SCAPER: variants seen among roughly 807,000 people sequenced by gnomAD.
SCAPER encodes S-phase cyclin A associated protein in the ER.
A neutral mutation model predicts 182.2 loss-of-function variants in SCAPER; 98 were observed. That is an observed-to-expected ratio of 0.54 (90% confidence interval 0.46 to 0.64). The LOEUF (loss-of-function observed/expected upper bound fraction) is 0.64, where lower values mean the gene tolerates loss of function less well. Ranked by LOEUF, SCAPER falls within the 30% of genes least tolerant of loss-of-function variation. The probability of loss-of-function intolerance (pLI) is 0.00; values close to 1 mark genes in which losing one functional copy is unlikely to be tolerated. For synonymous variants in SCAPER, 605 were observed against 564.6 expected, an observed-to-expected ratio of 1.07 and a Z score of -1.01; for missense variants, 1,432 against 1,690.0, an observed-to-expected ratio of 0.85 and a Z score of 2.68.
At chr15:76,662,852 A>G (rs1220239003) in intron 21 of SCAPER, among the ~76,000 whole-genome samples, 3 of 152,150 alleles carry the variant, frequency 2.0e-5, no homozygotes, top group Non-Finnish European at 4.4e-5. Flanking sequence ...TAAAATTACA[A>G]ATGTTCTAGA....
intron 17 of SCAPER, among the ~76,000 whole-genome samples, chr15:76,707,082 T>C (rs916503817): frequency 3.3e-5 from 5 of 152,010 alleles, no homozygotes; most frequent in Admixed American, 1.3e-4. Context: ...TTTAGTTTTA[T>C]CCTGAAGTAG....
At chr15:76,702,397 C>T (rs948327072) in intron 19 of SCAPER, among the ~76,000 whole-genome samples, 7 of 152,110 alleles carry the variant, frequency 4.6e-5, no homozygotes, top group African/African-American at 1.7e-4. Context: ...ATTTGTACCA[C>T]TTTTCATTCA....
chr15:76,367,734 GAA>G (rs914711068), intron 29 of SCAPER, among the ~76,000 whole-genome samples: 14 of 152,054 alleles, frequency 9.2e-5, no homozygotes, highest in Admixed American at 8.5e-4. Flanking sequence ...AAACAATGAA[GAA>G]AATAAAAGGT....
Position 76,545,214 on chromosome 15 carries a change from T to C in SCAPER, c.2838+28944A>G, listed in dbSNP as rs540668461. 2.7e-4 allele frequency among the ~76,000 whole-genome samples: 41 copies of C among 152,278 alleles called. No individual in the cohort carries two copies. The South Asian group carries it at 6.0e-3, about 22-fold the overall frequency. The stretch of plus-strand genomic sequence containing the variant: ...ATTATTCTTGATGCTCTAATGGTTA[T>C]TGTGGGCAATGGCAACAACCTCTTT... On this transcript the variant is annotated intron_variant, in intron 23 of 31. Transcript: ENST00000563290.
chr15:76,633,816 T>C (rs748795907), intron 21 of SCAPER, among the ~76,000 whole-genome samples: 2 of 152,192 alleles, frequency 1.3e-5, no homozygotes, highest in Non-Finnish European at 2.9e-5. Flanking sequence ...ACAGTGATGG[T>C]GGTCACCCCT....
chr15:76,643,476 G>T (rs1016915833), intron 21 of SCAPER, among the ~76,000 whole-genome samples: 1 of 152,096 alleles, frequency 6.6e-6, no homozygotes, highest in Non-Finnish European at 1.5e-5. Flanking sequence ...GAGGTCAGGA[G>T]TTCAAGACCA....
intron 23 of SCAPER, among the ~76,000 whole-genome samples, chr15:76,541,133 A>G (rs565420831): frequency 2.0e-5 from 3 of 152,124 alleles, no homozygotes; most frequent in Non-Finnish European, 2.9e-5. Flanking sequence ...AAAAGAAAAA[A>G]AAAACCATGT....
chr15:76,573,442 A>G (rs1345164878), intron 23 of SCAPER, among the ~76,000 whole-genome samples: 1 of 152,162 alleles, frequency 6.6e-6, no homozygotes, highest in Non-Finnish European at 1.5e-5. Flanking sequence ...CAGCTAATAA[A>G]TGAAAATAGC....
chr15:76,381,249 A>C, intron 28 of SCAPER, 129 bp downstream of exon 28: 1 of 572,474 alleles, frequency 1.7e-6, no homozygotes. Flanking sequence ...AAATTATAAT[A>C]TATATTATAA....
chr15:76,618,483 C>T (rs1433146875), intron 22 of SCAPER, among the ~76,000 whole-genome samples: 1 of 152,148 alleles, frequency 6.6e-6, no homozygotes, highest in Non-Finnish European at 1.5e-5. Context: ...AATTACATTA[C>T]ATTTGTAGGA....
chr15:76,858,497 T>C (rs909205074), intron 3 of SCAPER, among the ~76,000 whole-genome samples: 8 of 152,154 alleles, frequency 5.3e-5, no homozygotes, highest in South Asian at 2.1e-4. Flanking sequence ...CAGGGGTACA[T>C]GTGCAGGTTT....
intron 27 of SCAPER, 113 bp downstream of exon 27, chr15:76,404,411 G>A (rs2044676520): frequency 9.3e-7 from 1 of 1,074,626 alleles, no homozygotes; most frequent in Non-Finnish European, 1.3e-6. Flanking sequence ...AGAACAAAGA[G>A]GAAAGATGGC....
rs964977486 is a variant in SCAPER, at chr15:76,576,884, C to T, written c.2712-2600G>A. On this transcript the variant is annotated intron_variant, in intron 22 of 31. Transcript: ENST00000563290. ...CTTAGAAAGCGGGGAATCGCCCATC[C>T]TAGCACTCGGAACCTGAGTTGCAGG... is the stretch of plus-strand genomic sequence containing the variant. 9 of 152,184 alleles carry T rather than the reference C, an allele frequency of 5.9e-5. 1 individual carries two copies. The highest frequency in any genetic ancestry group is 2.2e-4 in the African/African-American group (9 of 41,432). 9.4% of individuals were successfully genotyped at this position (152,184 alleles called of 1,614,324 possible).
intron 6 of SCAPER, among the ~76,000 whole-genome samples, chr15:76,803,858 T>A (rs982405002): frequency 6.6e-6 from 1 of 151,776 alleles, no homozygotes; most frequent in East Asian, 1.9e-4. Context: ...ATGTACTATG[T>A]ACTTCATGAA....
rs772159625 is a variant in SCAPER, at chr15:76,728,723, A to C, written c.2037T>G (p.Ala679=). ...RDEAVQERKR[A]LEAERQARVE... is the part of the protein sequence containing the mutation. ...CACGGGCCTGCCGCTCTGCCTCTAG[A>C]GCTCTCTTGCGTTCCTAATGTTAGA... The change falls in exon 17 of 32, where the codon GCT becomes GCG. Residue 679 remains alanine, a synonymous_variant. Coordinates refer to ENST00000563290, the MANE Select transcript of SCAPER (RefSeq NM_020843.4). 1 of 1,612,660 alleles carries C rather than the reference A, an allele frequency of 6.2e-7. No individual in the cohort carries two copies. The highest frequency in any genetic ancestry group is 1.3e-5 in the African/African-American group (1 of 74,850).
At chr15:76,757,158 C>T (rs1430301385) in intron 14 of SCAPER, among the ~76,000 whole-genome samples, 1 of 152,106 alleles carries the variant, frequency 6.6e-6, no homozygotes. Context: ...CCCAATGTTT[C>T]CTATGTTTTC....
At chr15:76,470,061 T>C (rs763701477) in intron 25 of SCAPER, among the ~76,000 whole-genome samples, 1 of 152,178 alleles carries the variant, frequency 6.6e-6, no homozygotes, top group Admixed American at 6.5e-5. Flanking sequence ...CCCTTATTGC[T>C]ATTCCCTCTC....
chr15:76,458,694 CTA>C (rs947270907), intron 25 of SCAPER, among the ~76,000 whole-genome samples: 1 of 152,110 alleles, frequency 6.6e-6, no homozygotes, highest in African/African-American at 2.4e-5. Flanking sequence ...TGTCTTCCAG[CTA>C]TTTTGAAATA....
At chr15:76,717,523 A>G (rs1056757972) in intron 17 of SCAPER, among the ~76,000 whole-genome samples, 6 of 152,270 alleles carry the variant, frequency 3.9e-5, no homozygotes, top group African/African-American at 1.4e-4. Flanking sequence ...TTTGACATCA[A>G]AAACGTAACT....
Sources: allele counts gnomAD v4.1 joint callset (sites outside exome capture counted in the v4.1 genomes callset), GRCh38; gene constraint gnomAD v4.1.1; transcripts MANE v1.5; gene names NCBI Gene and HGNC (gene_info 2026-07-23, HGNC 2026-07-21).